CNTNAP5: variants seen among roughly 807,000 people sequenced by gnomAD.
CNTNAP5 encodes the protein contactin associated protein family member 5, also known as contactin-associated protein-like 5.
Under a neutral mutation model 150.2 loss-of-function variants are expected in CNTNAP5, and 72 were observed. That is an observed-to-expected ratio of 0.48 (90% CI 0.40 to 0.58). CNTNAP5 has a LOEUF of 0.58. Among genes scored for constraint, CNTNAP5 ranks in the 20% least tolerant of loss-of-function variants. CNTNAP5 has a pLI of 0.00. For synonymous variants in CNTNAP5, 672 were observed against 619.8 expected, an observed-to-expected ratio of 1.08 and a Z score of -1.25; for missense variants, 1,636 against 1,626.2, an observed-to-expected ratio of 1.01 and a Z score of -0.10.
chr2:124,306,195 C>T (rs1254236299), intron 3 of CNTNAP5, among the ~76,000 whole-genome samples: 3 of 152,148 alleles, frequency 2.0e-5, no homozygotes, highest in African/African-American at 7.2e-5. Context: ...CCTCTGGATA[C>T]AGGAATCAAA....
chr2:124,062,113 T>C (rs1047183961), intron 1 of CNTNAP5, among the ~76,000 whole-genome samples: 7 of 152,184 alleles, frequency 4.6e-5, no homozygotes, highest in Non-Finnish European at 5.9e-5. Context: ...AATACTTGCT[T>C]TTATTACAGA....
At chr2:124,349,221 C>T (rs1689811787) in intron 3 of CNTNAP5, among the ~76,000 whole-genome samples, 1 of 152,168 alleles carries the variant, frequency 6.6e-6, no homozygotes, top group African/African-American at 2.4e-5. Context: ...CACGCCTAGG[C>T]TGTACGATGT....
At chr2:124,558,809 T>C (rs1558953408) in intron 10 of CNTNAP5, among the ~76,000 whole-genome samples, 3 of 151,886 alleles carry the variant, frequency 2.0e-5, no homozygotes, top group African/African-American at 7.3e-5. Flanking sequence ...GCTGTGGGGG[T>C]CCTTTTGTTC....
At chr2:124,640,045 A>G (rs1678058046) in intron 12 of CNTNAP5, among the ~76,000 whole-genome samples, 1 of 152,112 alleles carries the variant, frequency 6.6e-6, no homozygotes, top group African/African-American at 2.4e-5. Flanking sequence ...CCTGTTAGCG[A>G]AACTTGCACC....
chr2:124,764,212 C>A, intron 16 of CNTNAP5, 65 bp downstream of exon 16: 2 of 1,306,056 alleles, frequency 1.5e-6, no homozygotes, highest in Non-Finnish European at 2.2e-6. Flanking sequence ...CTTGTTTTTG[C>A]CACCAGTCAC....
At chr2:124,726,747 A>G (rs1032585884) in intron 13 of CNTNAP5, among the ~76,000 whole-genome samples, 2 of 151,962 alleles carry the variant, frequency 1.3e-5, no homozygotes, top group African/African-American at 4.8e-5. Flanking sequence ...TATCAGATGT[A>G]TAGTTTGCAA....
intron 19 of CNTNAP5, among the ~76,000 whole-genome samples, chr2:124,851,219 G>A (rs1047519418): frequency 1.3e-5 from 2 of 152,200 alleles, no homozygotes; most frequent in East Asian, 1.9e-4. Context: ...AGCTGAGTGT[G>A]GTGACAGGTG....
intron 1 of CNTNAP5, among the ~76,000 whole-genome samples, chr2:124,036,667 A>G (rs1005734566): frequency 6.6e-6 from 1 of 152,180 alleles, no homozygotes. Context: ...GATAAAGTTA[A>G]GTAATGTGCT....
chr2:124,267,881 G>A (rs556589629), intron 3 of CNTNAP5, among the ~76,000 whole-genome samples: 35 of 152,162 alleles, frequency 2.3e-4, no homozygotes, highest in South Asian at 6.2e-4. Flanking sequence ...CTATTTTCTC[G>A]AACTTTAAAA....
At chr2:124,476,334 A>G (rs1036405647) in intron 7 of CNTNAP5, among the ~76,000 whole-genome samples, 1 of 152,136 alleles carries the variant, frequency 6.6e-6, no homozygotes, top group Non-Finnish European at 1.5e-5. Context: ...CCCAATATTG[A>G]CAAAATGTAA....
intron 1 of CNTNAP5, among the ~76,000 whole-genome samples, chr2:124,039,920 G>A (rs1198751022): frequency 6.6e-6 from 1 of 151,866 alleles, no homozygotes; most frequent in Admixed American, 6.6e-5. Flanking sequence ...TGCACCTGGT[G>A]GAATTGTACA....
chr2:124,830,512 T>A (rs1437895541), intron 19 of CNTNAP5, among the ~76,000 whole-genome samples: 1 of 151,996 alleles, frequency 6.6e-6, no homozygotes, highest in Admixed American at 6.6e-5. Context: ...TTGAATTCAA[T>A]CAGACACAGG....
chr2:124,244,974 A>C (rs1686982013), intron 3 of CNTNAP5, among the ~76,000 whole-genome samples: 1 of 152,164 alleles, frequency 6.6e-6, no homozygotes, highest in African/African-American at 2.4e-5. Context: ...TTTATTCCTA[A>C]ATATAGTTGG....
chr2:124,476,210 C>A (rs1330863046), intron 7 of CNTNAP5, among the ~76,000 whole-genome samples: 2 of 151,996 alleles, frequency 1.3e-5, no homozygotes, highest in African/African-American at 2.4e-5. Flanking sequence ...ATTTTTAGAA[C>A]CATTTCTATA....
chr2:124,241,324 C>G (rs1686880754), intron 2 of CNTNAP5, among the ~76,000 whole-genome samples: 1 of 152,120 alleles, frequency 6.6e-6, no homozygotes, highest in African/African-American at 2.4e-5. Flanking sequence ...GTCAGGTATA[C>G]TGAATCACAC....
intron 8 of CNTNAP5, among the ~76,000 whole-genome samples, chr2:124,515,543 ATT>A (rs1694690792): frequency 7.1e-5 from 3 of 42,106 alleles, no homozygotes; most frequent in South Asian, 5.1e-4. Flanking sequence ...TCAATCAATC[ATT>A]CATCACGTTT....
At chr2:124,420,061 G>A (rs1236767442) in intron 4 of CNTNAP5, among the ~76,000 whole-genome samples, 2 of 136,302 alleles carry the variant, frequency 1.5e-5, no homozygotes, top group African/African-American at 5.5e-5. Flanking sequence ...CATGATCTCA[G>A]CTCACTGCAA....
intron 16 of CNTNAP5, among the ~76,000 whole-genome samples, chr2:124,770,621 G>C (rs980283011): frequency 6.6e-6 from 1 of 152,136 alleles, no homozygotes; most frequent in African/African-American, 2.4e-5. Flanking sequence ...GGTGGCACTG[G>C]TGATCTGAAT....
At chr2:124,617,499 T>A (rs1248560317) in intron 12 of CNTNAP5, among the ~76,000 whole-genome samples, 1 of 152,124 alleles carries the variant, frequency 6.6e-6, no homozygotes, top group Non-Finnish European at 1.5e-5. Flanking sequence ...CCTGCCTTCA[T>A]GTGATGTTGT....
Sources: gnomAD v4.1 joint callset for allele counts (sites outside exome capture counted in the v4.1 genomes callset) on GRCh38, gnomAD v4.1.1 for gene constraint, MANE v1.5 for transcripts, NCBI Gene and HGNC (gene_info 2026-07-23, HGNC 2026-07-21) for gene names.